Variants in PCDHGA1 observed in about 807,000 individuals in gnomAD.
The protein encoded by PCDHGA1 is protocadherin gamma subfamily A, 1.
A neutral mutation model predicts 58.0 loss-of-function variants in PCDHGA1; 32 were observed. That is an observed-to-expected ratio of 0.55 (90% CI 0.42 to 0.74). The LOEUF (loss-of-function observed/expected upper bound fraction) is 0.74, where lower values mean the gene tolerates loss of function less well. Among genes scored for constraint, PCDHGA1 ranks in the 30% least tolerant of loss-of-function variants. The probability of loss-of-function intolerance (pLI) is 0.00; values close to 1 mark genes in which losing one functional copy is unlikely to be tolerated. For missense variants in PCDHGA1, 1,205 were observed against 1,182.3 expected (o/e 1.02, Z -0.28); for synonymous variants, 498 against 501.1 (o/e 0.99, Z 0.08).
intron 2 of PCDHGA1, among the ~76,000 whole-genome samples, chr5:141,498,971 G>GGGAAGGAA (rs201769957): frequency 0.022 from 2,449 of 111,032 alleles, 52 homozygotes; most frequent in African/African-American, 0.046. Flanking sequence ...GAGGGAGGGA[G>GGGAAGGAA]GGAAGGAAGG....
At chr5:141,359,997 C>A in intron 1 of PCDHGA1, 1 of 1,120,990 alleles carries the variant, frequency 8.9e-7, no homozygotes, top group Non-Finnish European at 1.2e-6. Context: ...GAACTTCCTG[C>A]ACAAACCAAC....
At chr5:141,421,529 C>T in intron 1 of PCDHGA1, 1 of 1,614,020 alleles carries the variant, frequency 6.2e-7, no homozygotes, top group Non-Finnish European at 8.5e-7. Flanking sequence ...GAGACGGTGT[C>T]CTCCTGTTTT....
chr5:141,384,609 T>A (rs967686346), intron 1 of PCDHGA1: 5 of 1,614,148 alleles, frequency 3.1e-6, no homozygotes, highest in African/African-American at 1.3e-5. Flanking sequence ...TCCCCACAGA[T>A]GGTTCTACTG....
intron 1 of PCDHGA1, chr5:141,352,462 G>A (rs757771594): frequency 1.2e-6 from 2 of 1,613,998 alleles, no homozygotes; most frequent in South Asian, 1.1e-5. Flanking sequence ...CTGGGCCCGG[G>A]GTTCCTCCCA....
intron 3 of PCDHGA1, among the ~76,000 whole-genome samples, chr5:141,509,440 C>T (rs1036780108): frequency 2.0e-5 from 3 of 152,158 alleles, no homozygotes; most frequent in Non-Finnish European, 4.4e-5. Flanking sequence ...CTTGTTTCCT[C>T]CTCTCCCACC....
intron 1 of PCDHGA1, chr5:141,441,971 G>A: frequency 3.3e-6 from 1 of 298,820 alleles, no homozygotes; most frequent in Non-Finnish European, 6.5e-6. Flanking sequence ...AGGCTCTTCA[G>A]CCTGGAATGC....
chr5:141,502,062 A>G (rs530211521), intron 2 of PCDHGA1, among the ~76,000 whole-genome samples: 2 of 152,146 alleles, frequency 1.3e-5, no homozygotes, highest in South Asian at 4.2e-4. Flanking sequence ...TATTCCCATT[A>G]GCCCCCTTCA....
chr5:141,505,210 A>G (rs899138393), intron 2 of PCDHGA1, among the ~76,000 whole-genome samples, 183 bp from the exon 3 acceptor site: 3 of 152,192 alleles, frequency 2.0e-5, no homozygotes, highest in African/African-American at 7.2e-5. Flanking sequence ...GGTTTGAGGG[A>G]CTGACTTGTG....
intron 1 of PCDHGA1, among the ~76,000 whole-genome samples, chr5:141,467,051 T>G (rs988417775): frequency 6.6e-6 from 1 of 151,462 alleles, no homozygotes; most frequent in Non-Finnish European, 1.5e-5. Context: ...TGAATCAATG[T>G]TTTCTTTTTT....
chr5:141,371,500 T>C, intron 1 of PCDHGA1: 5 of 1,613,872 alleles, frequency 3.1e-6, no homozygotes, highest in South Asian at 1.1e-5. Context: ...GTTGCCCTGA[T>C]CAAAACACAT....
At chr5:141,409,217 G>A (rs1394491727) in intron 1 of PCDHGA1, 1 of 1,613,852 alleles carries the variant, frequency 6.2e-7, no homozygotes, top group Non-Finnish European at 8.5e-7. Context: ...AGAAATCCTT[G>A]ATGAAAACGA....
intron 1 of PCDHGA1, among the ~76,000 whole-genome samples, chr5:141,433,853 A>C (rs934981508): frequency 1.3e-5 from 2 of 151,912 alleles, no homozygotes; most frequent in African/African-American, 2.4e-5. Context: ...AAAAAAAAAA[A>C]AACTTTATCC....
intron 1 of PCDHGA1, chr5:141,382,931 G>A (rs1415161617): frequency 6.3e-7 from 1 of 1,584,178 alleles, no homozygotes; most frequent in Non-Finnish European, 8.6e-7. Context: ...GGGGACTACA[G>A]AGGATTCTTC....
At chr5:141,414,167 A>T (rs2095716553) in intron 1 of PCDHGA1, 3 of 1,605,526 alleles carry the variant, frequency 1.9e-6, no homozygotes, top group Non-Finnish European at 2.6e-6. Flanking sequence ...GGAGGAGCAT[A>T]TCTTGCAACT....
chr5:141,383,551 G>A lies in PCDHGA1; in HGVS notation c.2421+50446G>A, dbSNP rs772901140. 8 of 1,612,382 alleles carry A rather than the reference G, an allele frequency of 5.0e-6. No individual in the cohort carries two copies. Among genetic ancestry groups the A allele is most frequent in the Admixed American group, 3.3e-5 (2 of 59,816 alleles). On this transcript the variant is annotated intron_variant, in intron 1 of 3. Transcript: ENST00000517417. ...CCTGGTCCTCACAGCCTCTGATGGC[G>A]GCGACCCGCCCCGATCCAGCACCGC...
rs764586891 is a variant in PCDHGA1, at chr5:141,477,616, A to G, written c.2422-17191A>G. On this transcript the variant is annotated intron_variant, in intron 1 of 3. Coordinates refer to ENST00000517417, the MANE Select transcript of PCDHGA1 (RefSeq NM_018912.3). This position sits in a 1 kb window ranked among gnomAD's most constrained non-coding sequence, Gnocchi z 4.9. ...TTTCTTTCTTTCTCTTGGAGCAAGGAGCTGAAACCGGGCTAGTGGGTCGCT... is the reference window on the plus strand; with the variant it reads ...TTTCTTTCTTTCTCTTGGAGCAAGGGGCTGAAACCGGGCTAGTGGGTCGCT... The G allele has an allele frequency of 1.2e-6, 2 of 1,614,068 alleles. No individual in the cohort carries two copies. Among genetic ancestry groups the G allele is most frequent in the African/African-American group, 2.7e-5 (2 of 74,924 alleles).
In PCDHGA1 at chr5:141,358,636, T is replaced by C. The variant is rs115557619; in HGVS notation, c.2421+25531T>C. On this transcript the variant is annotated intron_variant, in intron 1 of 3. Coordinates refer to ENST00000517417, the MANE Select transcript of PCDHGA1 (RefSeq NM_018912.3). ...TATTTCCAAGCTAATTTCAGTCATA[T>C]ATAAGTAGATTCTAGGAGTAACTTT... Among the ~76,000 whole-genome samples, 216 of 152,290 alleles carry C rather than the reference T, an allele frequency of 1.4e-3. 2 individuals carry two copies. The highest frequency in any genetic ancestry group is 5.0e-3 in the African/African-American group (206 of 41,584).
chr5:141,337,498 T>C lies in PCDHGA1; in HGVS notation c.2421+4393T>C, dbSNP rs147950944. On this transcript the variant is annotated intron_variant, in intron 1 of 3. Transcript: ENST00000517417. ...ATATGGACGAACTTCAAAGACATGATATCAAGTGAAATAAACCTGTTATAA... is the reference window on the plus strand; with the variant it reads ...ATATGGACGAACTTCAAAGACATGACATCAAGTGAAATAAACCTGTTATAA... 9.5e-4 allele frequency among the ~76,000 whole-genome samples: 145 copies of C among 152,326 alleles called. 1 individual carries two copies. The highest frequency in any genetic ancestry group is 3.1e-3 in the African/African-American group (129 of 41,580).
At chr5:141,413,687 T>A (rs1470256826) in intron 1 of PCDHGA1, 5 of 1,613,666 alleles carry the variant, frequency 3.1e-6, no homozygotes, top group Non-Finnish European at 3.4e-6. Flanking sequence ...GTGAACTCCC[T>A]GCAGAGCTAT....
Sources: gnomAD v4.1 joint callset for allele counts (sites outside exome capture counted in the v4.1 genomes callset) on GRCh38, gnomAD v4.1.1 for gene constraint, Gnocchi (gnomAD v3.1) non-coding constraint, MANE v1.5 for transcripts, NCBI Gene and HGNC (gene_info 2026-07-23, HGNC 2026-07-21) for gene names.